Variants in KIF11 observed in about 807,000 individuals in gnomAD.
KIF11 encodes the protein kinesin family member 11, also known as kinesin-like protein KIF11.
A neutral mutation model predicts 121.0 loss-of-function variants in KIF11; 9 were observed. That is an observed-to-expected ratio of 0.07 (90% CI 0.04 to 0.13). The LOEUF (loss-of-function observed/expected upper bound fraction) is 0.13, where lower values mean the gene tolerates loss of function less well. Among genes scored for constraint, KIF11 ranks in the 10% least tolerant of loss-of-function variants. The pLI, the probability that KIF11 is intolerant of heterozygous loss-of-function variation, is 1.00. For missense variants in KIF11, 846 were observed against 1,217.5 expected (o/e 0.69, Z 4.54); for synonymous variants, 408 against 421.0 (o/e 0.97, Z 0.38).
intron 17 of KIF11, among the ~76,000 whole-genome samples, chr10:92,644,118 CA>C (rs1844895946): frequency 2.0e-5 from 3 of 152,104 alleles, no homozygotes; most frequent in Admixed American, 2.0e-4. Context: ...AAGGCCCATG[CA>C]AATCATTTTT....
chr10:92,595,191 C>A (rs1038202157), intron 1 of KIF11, among the ~76,000 whole-genome samples: 3 of 152,158 alleles, frequency 2.0e-5, no homozygotes, highest in Non-Finnish European at 4.4e-5. Context: ...TCTCAGGTAG[C>A]TGGGATTACA....
rs1844431579 is a variant in KIF11 at position 92,606,412 on chromosome 10, A to T, written c.210+15A>T. 1 of 1,575,578 alleles carries T rather than the reference A, an allele frequency of 6.3e-7. No homozygotes were observed. Among genetic ancestry groups the T allele is most frequent in the South Asian group, 1.2e-5 (1 of 84,884 alleles). The stretch of plus-strand genomic sequence containing the variant: ...CTTTTGATATGGTAACATATGGTGC[A>T]ATTTCTTTATTATCCACTAATGTAA... On this transcript the variant is annotated intron_variant, in intron 2 of 21. Transcript: ENST00000260731.
intron 21 of KIF11, 62 bp from the exon 22 acceptor site, chr10:92,653,603 G>A: frequency 6.9e-7 from 1 of 1,453,722 alleles, no homozygotes. Context: ...AAAATAGAGT[G>A]TAGTTAATGT....
At chr10:92,645,167 A>G (rs1844905122) in intron 17 of KIF11, among the ~76,000 whole-genome samples, 196 bp from the exon 18 acceptor site, 1 of 152,204 alleles carries the variant, frequency 6.6e-6, no homozygotes, top group African/African-American at 2.4e-5. Flanking sequence ...TTCAAAGGTC[A>G]TTTAATGGCA....
chr10:92,610,756 T>C (rs879447446), intron 6 of KIF11, among the ~76,000 whole-genome samples: 1 of 152,156 alleles, frequency 6.6e-6, no homozygotes. Flanking sequence ...AAAATTTCTA[T>C]AAAATGCCAT....
chr10:92,651,520 T>TG (rs1564719307), intron 21 of KIF11, among the ~76,000 whole-genome samples: 2 of 73,720 alleles, frequency 2.7e-5, no homozygotes, highest in Non-Finnish European at 4.8e-5. Context: ...TTTTTTTTTT[T>TG]TTTTTTTTTT....
chr10:92,612,990 AAATGCTATTTTACATTAT>A, intron 6 of KIF11, 32 bp from the exon 7 acceptor site: 2 of 1,050,162 alleles, frequency 1.9e-6, no homozygotes, highest in Non-Finnish European at 2.9e-6. Flanking sequence ...CAGAAGCAGC[AAATGCTATTTTACATTAT>A]AATGACTGGG....
chr10:92,619,056 G>A lies in KIF11; in HGVS notation c.1128+2224G>A, dbSNP rs147860409. Among the ~76,000 whole-genome samples, 119 of 152,010 alleles carry A rather than the reference G, an allele frequency of 7.8e-4. 1 individual carries two copies. Among genetic ancestry groups the A allele is most frequent in the Non-Finnish European group, 1.4e-3 (97 of 67,974 alleles). ...TTTTGAGATGGAGTCTCACTCTGTT[G>A]CCCAGGCTGGAGTGCAGTGGTGCGA... On this transcript the variant is annotated intron_variant, in intron 9 of 21. Transcript: ENST00000260731.
intron 19 of KIF11, 139 bp downstream of exon 19, chr10:92,648,573 G>A (rs982418173): frequency 6.9e-6 from 4 of 583,212 alleles, no homozygotes; most frequent in Non-Finnish European, 1.2e-5. Context: ...CTCAAAATGG[G>A]AAAACTGGAA....
intron 21 of KIF11, 118 bp downstream of exon 21, chr10:92,650,635 T>C: frequency 3.0e-6 from 2 of 656,594 alleles, no homozygotes; most frequent in Non-Finnish European, 5.5e-6. Flanking sequence ...TTCCTTAGGA[T>C]GGCTTGTTAA....
At chr10:92,624,356 G>A (rs893727350) in intron 10 of KIF11, among the ~76,000 whole-genome samples, 2 of 149,068 alleles carry the variant, frequency 1.3e-5, no homozygotes, top group African/African-American at 2.5e-5. Flanking sequence ...CCAGCTGCCC[G>A]AGTAGCTGGG....
At chr10:92,606,473 G>A (rs2135900640) in intron 2 of KIF11, 76 bp downstream of exon 2, 1 of 1,317,194 alleles carries the variant, frequency 7.6e-7, no homozygotes, top group Non-Finnish European at 1.0e-6. Flanking sequence ...CTGGAAAATG[G>A]TGTATACTTA....
intron 1 of KIF11, 40 bp downstream of exon 1, chr10:92,593,492 C>A: frequency 6.4e-7 from 1 of 1,560,232 alleles, no homozygotes; most frequent in Non-Finnish European, 8.7e-7. Flanking sequence ...GCTGCGGCTT[C>A]GCTGCTGGGC....
intron 9 of KIF11, among the ~76,000 whole-genome samples, chr10:92,620,270 C>T (rs1441364091): frequency 2.6e-5 from 4 of 151,950 alleles, no homozygotes; most frequent in African/African-American, 4.8e-5. Context: ...TTAGTAGAGA[C>T]AGGGTTTCAC....
rs1436429541 is a variant in KIF11 at position 92,649,694 on chromosome 10, G to C, written c.2771-141G>C. 8 of 560,536 alleles carry C rather than the reference G, an allele frequency of 1.4e-5. No homozygotes were observed. The East Asian group carries it at 1.7e-4, about 12-fold the overall frequency. 34.7% of individuals were successfully genotyped at this position (560,536 alleles called of 1,614,324 possible). On this transcript the variant is annotated intron_variant, in intron 19 of 21. Transcript: ENST00000260731. ...TGTTAGTTGCAAACAATGTCTGACAGGTAGCAAGACTGATCCTCATATATG... is the reference window on the plus strand; with the variant it reads ...TGTTAGTTGCAAACAATGTCTGACACGTAGCAAGACTGATCCTCATATATG...
intron 8 of KIF11, among the ~76,000 whole-genome samples, chr10:92,614,558 AAT>A (rs1234889381): frequency 1.3e-5 from 2 of 152,122 alleles, no homozygotes; most frequent in Non-Finnish European, 2.9e-5. Flanking sequence ...CTTCAAAGAA[AAT>A]TGCTGTGGTC....
chr10:92,609,522 T>A lies in KIF11; in HGVS notation c.698+13T>A. On this transcript the variant is annotated intron_variant, in intron 6 of 21. Coordinates refer to ENST00000260731, the MANE Select transcript of KIF11 (RefSeq NM_004523.4). Reference sequence around the variant, plus strand: ...ATGCATACTCTAGGTAAGAAAGCCATAGTCTCTTCCCTAGCCCCATTTTCT... The same window carrying A: ...ATGCATACTCTAGGTAAGAAAGCCAAAGTCTCTTCCCTAGCCCCATTTTCT... The A allele has an allele frequency of 1.3e-6, 2 of 1,597,434 alleles. No individual in the cohort carries two copies. The highest frequency in any genetic ancestry group is 1.4e-5 in the African/African-American group (1 of 73,814).
chr10:92,611,281 C>T (rs1253067431), intron 6 of KIF11, among the ~76,000 whole-genome samples: 2 of 151,932 alleles, frequency 1.3e-5, no homozygotes, highest in Non-Finnish European at 2.9e-5. Flanking sequence ...GATGCGATCT[C>T]GGCTCACTGC....
chr10:92,631,651 G>A (rs947379345), intron 12 of KIF11, among the ~76,000 whole-genome samples: 8 of 149,596 alleles, frequency 5.3e-5, no homozygotes, highest in Admixed American at 3.3e-4. Context: ...GTGAGCCACC[G>A]CGCCCGGCCT....
Sources: allele counts gnomAD v4.1 joint callset (sites outside exome capture counted in the v4.1 genomes callset), GRCh38; gene constraint gnomAD v4.1.1; transcripts MANE v1.5; gene names NCBI Gene and HGNC (gene_info 2026-07-23, HGNC 2026-07-21).